The following CLN8 variants were observed in gnomAD, a reference collection of about 807,000 sequenced individuals.
CLN8 encodes CLN8 transmembrane ER and ERGIC protein, also known as protein CLN8.
Under a neutral mutation model 15.7 loss-of-function variants are expected in CLN8, and 14 were observed. The observed-to-expected ratio is 0.89, with a 90% CI of 0.59 to 1.39. The LOEUF (loss-of-function observed/expected upper bound fraction) is 1.39. Ranked by LOEUF, CLN8 falls within the 40% of genes most tolerant of loss-of-function variation. The pLI, the probability that CLN8 is intolerant of heterozygous loss-of-function variation, is 0.00. For synonymous variants in CLN8, 188 were observed against 151.0 expected (o/e 1.25, Z -1.80); for missense variants, 415 against 364.0 (o/e 1.14, Z -1.14).
At chr8:1,777,637 A>G (rs1278701027) in intron 2 of CLN8, among the ~76,000 whole-genome samples, 1 of 152,066 alleles carries the variant, frequency 6.6e-6, no homozygotes, top group East Asian at 1.9e-4. Flanking sequence ...TAAATTGTTG[A>G]AATCTAAGAT....
At chr8:1,767,565 CTTTT>C (rs1156569423) in intron 1 of CLN8, among the ~76,000 whole-genome samples, 8 of 81,310 alleles carry the variant, frequency 9.8e-5, no homozygotes, top group African/African-American at 1.5e-4. Flanking sequence ...ATGTTTCTTT[CTTTT>C]TTTTTTTTTT....
intron 2 of CLN8, among the ~76,000 whole-genome samples, chr8:1,771,960 G>C (rs1191532811): frequency 1.3e-5 from 1 of 78,988 alleles, no homozygotes; most frequent in Non-Finnish European, 2.8e-5. Context: ...TTTTGAGACG[G>C]AGCCTCACTC....
In CLN8 at chr8:1,770,934, T is replaced by A. The variant is rs1554448797; in HGVS notation, c.-121T>A. On this transcript the variant is annotated splice_region_variant and 5_prime_UTR_variant, in exon 2 of 3. An upstream open reading frame in the 5' UTR loses its in-frame stop. Transcript: ENST00000331222. ...AAAATGAATGATCTTTCTTTTAGAT[T>A]GAAGATGGATACGTGACAATCCCAG... The A allele has an allele frequency of 1.2e-6, 1 of 858,066 alleles. No individual in the cohort carries two copies. The highest frequency in any genetic ancestry group is 2.0e-5 in the Admixed American group (1 of 50,538). 53.2% of individuals were successfully genotyped at this position (858,066 alleles called of 1,614,324 possible). A position where few individuals can be genotyped will look rare whatever the true frequency, so the allele number is the denominator to read the frequency against.
At position 1,780,450 on chromosome 8, in the gene CLN8, T is replaced by C. The variant is rs2129015286; in HGVS notation, c.744T>C (p.Tyr248=). The part of the protein sequence containing the change: ...LALLTLIINP[Y]WTHKKTQQLL... ...TGCTTACGCTAATCATTAATCCATA[T>C]TGGACCCATAAGAAGACTCAGCAGC... The change falls in exon 3 of 3, where the codon TAT becomes TAC. Residue 248 remains tyrosine, a synonymous_variant. Transcript: ENST00000331222. 1.2e-6 allele frequency: 2 copies of C among 1,614,210 alleles called. No homozygotes were observed. Among genetic ancestry groups the C allele is most frequent in the East Asian group, 2.2e-5 (1 of 44,874 alleles).
In CLN8 at chr8:1,785,661, G is replaced by A. The variant is rs1461704505; in HGVS notation, c.*5094G>A. ...AGACAGGTACCGGTCAGATTACGGTGACACAGGCGGCGTGGGGTTAGACAG... is the reference window on the plus strand; with the variant it reads ...AGACAGGTACCGGTCAGATTACGGTAACACAGGCGGCGTGGGGTTAGACAG... On this transcript the variant is annotated 3_prime_UTR_variant, in exon 3 of 3. Transcript: ENST00000331222. 1 of 99,016 alleles carries A rather than the reference G, an allele frequency of 1.0e-5. No individual in the cohort carries two copies. Among genetic ancestry groups the A allele is most frequent in the African/African-American group, 4.0e-5 (1 of 25,106 alleles). The allele number at this position is 99,016 out of a possible 1,614,324, so 6.1% of individuals were successfully genotyped here.
rs1020500951 is a variant in CLN8, at chr8:1,782,081, A to C, written c.*1514A>C. The C allele has an allele frequency of 1.3e-5, 2 of 152,156 alleles. No homozygotes were observed. The highest frequency in any genetic ancestry group is 2.9e-5 in the Non-Finnish European group (2 of 68,034). 9.4% of individuals were successfully genotyped at this position (152,156 alleles called of 1,614,324 possible). On this transcript the variant is annotated 3_prime_UTR_variant, in exon 3 of 3. Coordinates refer to ENST00000331222, the MANE Select transcript of CLN8 (RefSeq NM_018941.4). ...AAAACGTCGGCTGCTCGTGAGAATC[A>C]TGTGTGACTTACGTTCCTTATGTTT...
chr8:1,774,577 C>T (rs1045410388), intron 2 of CLN8, among the ~76,000 whole-genome samples: 1 of 152,164 alleles, frequency 6.6e-6, no homozygotes, highest in African/African-American at 2.4e-5. Context: ...AAAATATTAC[C>T]ATCAATTTAG....
At chr8:1,755,231 A>T (rs970622698), upstream of CLN8, among the ~76,000 whole-genome samples, 1 of 152,224 alleles carries the variant, frequency 6.6e-6, no homozygotes, top group Non-Finnish European at 1.5e-5. Flanking sequence ...AACCTGACAT[A>T]GACTAACAGA....
rs1002858561 is a variant in CLN8, at chr8:1,780,704, G to A, written c.*137G>A. ...CTAAGGGAAATACTAACTTTCTTTC[G>A]CATTAGTATTAATTTTGAAGTAGCT... is the stretch of plus-strand genomic sequence containing the variant. On this transcript the variant is annotated 3_prime_UTR_variant, in exon 3 of 3. Coordinates refer to ENST00000331222, the MANE Select transcript of CLN8 (RefSeq NM_018941.4). 2.4e-5 allele frequency: 18 copies of A among 752,454 alleles called. No homozygotes were observed. The highest frequency in any genetic ancestry group is 3.8e-4 in the Middle Eastern group (1 of 2,618). 46.6% of individuals were successfully genotyped at this position (752,454 alleles called of 1,614,324 possible).
intron 1 of CLN8, among the ~76,000 whole-genome samples, chr8:1,765,439 A>G (rs1801013333): frequency 6.6e-6 from 1 of 152,176 alleles, no homozygotes; most frequent in African/African-American, 2.4e-5. Context: ...TTATTTTTGT[A>G]TTTTTATGCT....
At chr8:1,759,785 G>A (rs730377), upstream of CLN8, 100,297 of 151,550 alleles carry the variant, frequency 0.66, 33,537 homozygotes, top group South Asian at 0.77. Context: ...TGCAAGCACC[G>A]CGGTCCTGCT....
In CLN8 at chr8:1,770,983, C is replaced by A. The variant is rs1293309778; in HGVS notation, c.-72C>A. 7 of 1,442,298 alleles carry A rather than the reference C, an allele frequency of 4.9e-6. No homozygotes were observed. Among genetic ancestry groups the A allele is most frequent in the African/African-American group, 1.4e-5 (1 of 71,602 alleles). 89.3% of individuals were successfully genotyped at this position (1,442,298 alleles called of 1,614,324 possible). ...AGGGACCGCTGCACTGACTTCATTTCCTTAGACAAGACACAGTGTAGGGCC... is the reference window on the plus strand; with the variant it reads ...AGGGACCGCTGCACTGACTTCATTTACTTAGACAAGACACAGTGTAGGGCC... On this transcript the variant is annotated 5_prime_UTR_variant, in exon 2 of 3. Transcript: ENST00000331222.
rs2129016309 is a variant in CLN8 at position 1,784,840 on chromosome 8, A to T, written c.*4273A>T. 1 of 152,620 alleles carries T rather than the reference A, an allele frequency of 6.6e-6. No individual in the cohort carries two copies. Among genetic ancestry groups the T allele is most frequent in the South Asian group, 2.1e-4 (1 of 4,840 alleles). 9.5% of individuals were successfully genotyped at this position (152,620 alleles called of 1,614,324 possible). A position where few individuals can be genotyped will look rare whatever the true frequency, so the allele number is the denominator to read the frequency against. ...TGGGCAGCCAGTTTCACCCTCGCAC[A>T]GGCTGCCTGGCAAGACCAGCGGCTG... On this transcript the variant is annotated 3_prime_UTR_variant, in exon 3 of 3. Transcript: ENST00000331222.
intron 1 of CLN8, among the ~76,000 whole-genome samples, chr8:1,768,606 C>G (rs1801175095): frequency 6.6e-6 from 1 of 152,158 alleles, no homozygotes; most frequent in Non-Finnish European, 1.5e-5. Context: ...CATATTTTAA[C>G]CTTTAACAGT....
At chr8:1,780,206 G>T in intron 2 of CLN8, 44 bp from the exon 3 acceptor site, 1 of 1,614,158 alleles carries the variant, frequency 6.2e-7, no homozygotes, top group African/African-American at 1.3e-5. Context: ...AATGAATTTT[G>T]GCAGTTTCGC....
intron 2 of CLN8, chr8:1,779,945 G>A: frequency 1.0e-6 from 1 of 985,226 alleles, no homozygotes; most frequent in Non-Finnish European, 1.2e-6. Flanking sequence ...AAAGATTGAA[G>A]GGATACTGAA....
At chr8:1,766,902 C>T (rs916097448) in intron 1 of CLN8, among the ~76,000 whole-genome samples, 2 of 152,222 alleles carry the variant, frequency 1.3e-5, no homozygotes, top group African/African-American at 4.8e-5. Context: ...TCTTCCCATA[C>T]CCCTTCTGTG....
At chr8:1,753,681 C>T (rs1169938413), upstream of CLN8, among the ~76,000 whole-genome samples, 2 of 150,874 alleles carry the variant, frequency 1.3e-5, no homozygotes, top group Non-Finnish European at 2.9e-5. Flanking sequence ...GTCAGGAGAT[C>T]GAGACCATCC....
At chr8:1,778,672 C>T (rs1256371625) in intron 2 of CLN8, among the ~76,000 whole-genome samples, 1 of 152,212 alleles carries the variant, frequency 6.6e-6, no homozygotes, top group African/African-American at 2.4e-5. Flanking sequence ...CGTGTGTGTG[C>T]ATGAGGGTGC....
Sources: gnomAD v4.1 joint callset for allele counts (sites outside exome capture counted in the v4.1 genomes callset) on GRCh38, gnomAD v4.1.1 for gene constraint, MANE v1.5 for transcripts, NCBI Gene and HGNC (gene_info 2026-07-23, HGNC 2026-07-21) for gene names.